ZNF385D: variants seen among roughly 807,000 people sequenced by gnomAD.
The protein encoded by ZNF385D is zinc finger protein 659.
Under a neutral mutation model 35.8 loss-of-function variants are expected in ZNF385D, and 15 were observed. The observed-to-expected ratio is 0.42, with a 90% CI of 0.28 to 0.64. ZNF385D has a LOEUF of 0.64. Among genes scored for constraint, ZNF385D ranks in the 30% least tolerant of loss-of-function variants. The probability of loss-of-function intolerance (pLI) is 0.23; values close to 1 mark genes in which losing one functional copy is unlikely to be tolerated. For synonymous variants in ZNF385D, 212 were observed against 186.8 expected (o/e 1.13, Z -1.10); for missense variants, 474 against 494.6 (o/e 0.96, Z 0.39).
upstream of ZNF385D, among the ~76,000 whole-genome samples, chr3:21,751,923 G>C (rs1055286593): frequency 1.3e-5 from 2 of 151,800 alleles, no homozygotes; most frequent in African/African-American, 4.8e-5. Flanking sequence ...GAAACGGAGA[G>C]ACGATTAGCC....
intron 3 of ZNF385D, among the ~76,000 whole-genome samples, chr3:21,884,816 T>G (rs1036056565): frequency 6.6e-6 from 1 of 152,078 alleles, no homozygotes; most frequent in Admixed American, 6.6e-5. Context: ...CGGTGGAAAT[T>G]GGCAAACATT....
rs114268102 is a variant in ZNF385D at position 22,261,129 on chromosome 3, A to G, written c.107-92094T>C. On this transcript the variant is annotated intron_variant, in intron 2 of 5. Transcript: ENST00000494108. The stretch of plus-strand genomic sequence containing the variant: ...CATCCATCCATCCATCCATCCATCT[A>G]CACCGACCTACCTTTCTACTCATCT... Among the ~76,000 whole-genome samples the G allele has an allele frequency of 7.6e-3, 1,148 of 150,948 alleles. 12 individuals are homozygous for G. The highest frequency in any genetic ancestry group is 0.026 in the African/African-American group (1,084 of 41,126).
chr3:21,694,894 T>C (rs1227777589), intron 1 of ZNF385D, among the ~76,000 whole-genome samples: 1 of 151,600 alleles, frequency 6.6e-6, no homozygotes, highest in African/African-American at 2.4e-5. Flanking sequence ...TGAAAGGAGA[T>C]GTAAGGGAAG....
chr3:21,637,921 C>A (rs187617108), intron 2 of ZNF385D, among the ~76,000 whole-genome samples: 129 of 152,190 alleles, frequency 8.5e-4, no homozygotes, highest in Admixed American at 2.1e-3. Flanking sequence ...TGGGTTTAAG[C>A]TGAATCTAAA....
intron 3 of ZNF385D, among the ~76,000 whole-genome samples, chr3:21,904,400 A>G (rs188017062): frequency 6.6e-6 from 1 of 152,228 alleles, no homozygotes; most frequent in East Asian, 1.9e-4. Context: ...TCAACAAAAT[A>G]AAGTGTGGCA....
intron 2 of ZNF385D, among the ~76,000 whole-genome samples, chr3:22,368,396 T>C (rs990671839): frequency 7.2e-5 from 11 of 152,246 alleles, no homozygotes; most frequent in Non-Finnish European, 1.6e-4. Context: ...GATTCATCTC[T>C]GCCCCTGGGT....
chr3:22,302,055 ACTATG>A (rs1702931175), intron 2 of ZNF385D, among the ~76,000 whole-genome samples: 2 of 151,896 alleles, frequency 1.3e-5, no homozygotes, highest in Non-Finnish European at 2.9e-5. Flanking sequence ...TACTTTGCAA[ACTATG>A]CTCTTATGAA....
At chr3:22,057,326 T>A (rs1182103760) in intron 3 of ZNF385D, among the ~76,000 whole-genome samples, 1 of 152,174 alleles carries the variant, frequency 6.6e-6, no homozygotes, top group African/African-American at 2.4e-5. Flanking sequence ...TTAAAGTGAC[T>A]AGCACTGTTC....
intron 3 of ZNF385D, among the ~76,000 whole-genome samples, chr3:22,139,004 A>G (rs1277589317): frequency 2.6e-5 from 4 of 152,120 alleles, no homozygotes; most frequent in South Asian, 2.1e-4. Context: ...AAAAGTGGGC[A>G]AAGGATATGA....
At chr3:21,769,726 G>GAA (rs200080201) in intron 3 of ZNF385D, among the ~76,000 whole-genome samples, 1 of 117,166 alleles carries the variant, frequency 8.5e-6, no homozygotes, top group Non-Finnish European at 1.8e-5. Flanking sequence ...CACAGAATTG[G>GAA]AAAAAACTAC....
At chr3:22,010,770 TTC>T (rs370883415) in intron 3 of ZNF385D, among the ~76,000 whole-genome samples, 347 of 152,300 alleles carry the variant, frequency 2.3e-3, no homozygotes, top group Non-Finnish European at 3.3e-3. Context: ...ATTTAACAAT[TTC>T]TGAGCTTCTG....
chr3:22,101,821 T>C (rs1172379592), intron 3 of ZNF385D, among the ~76,000 whole-genome samples: 2 of 151,958 alleles, frequency 1.3e-5, no homozygotes, highest in Non-Finnish European at 2.9e-5. Context: ...TTAGAATGAA[T>C]ACAAGGTAAT....
At chr3:22,147,160 T>C (rs1453183927) in intron 3 of ZNF385D, among the ~76,000 whole-genome samples, 1 of 152,196 alleles carries the variant, frequency 6.6e-6, no homozygotes. Context: ...GATATAGCCA[T>C]GGTGTTAGAA....
intron 2 of ZNF385D, among the ~76,000 whole-genome samples, chr3:22,335,047 G>T (rs1487030840): frequency 1.3e-5 from 2 of 152,108 alleles, no homozygotes; most frequent in East Asian, 1.9e-4. Context: ...GCACTGGAAA[G>T]ATCAGAAATA....
chr3:21,855,912 A>G (rs890961044), intron 3 of ZNF385D, among the ~76,000 whole-genome samples: 1 of 151,988 alleles, frequency 6.6e-6, no homozygotes, highest in African/African-American at 2.4e-5. Context: ...TAGAGGTGGT[A>G]GCTAATAACA....
intron 3 of ZNF385D, among the ~76,000 whole-genome samples, chr3:21,790,966 A>T (rs1326166149): frequency 6.6e-6 from 1 of 152,202 alleles, no homozygotes; most frequent in Non-Finnish European, 1.5e-5. Flanking sequence ...AGGAAACAAA[A>T]AAACAGCATA....
At chr3:21,756,671 C>G (rs548861368) in intron 3 of ZNF385D, among the ~76,000 whole-genome samples, 1 of 152,058 alleles carries the variant, frequency 6.6e-6, no homozygotes, top group Admixed American at 6.6e-5. Context: ...AGCAAAAGCA[C>G]AAGTATATGG....
At chr3:22,108,192 T>C (rs1702325035) in intron 3 of ZNF385D, among the ~76,000 whole-genome samples, 1 of 152,172 alleles carries the variant, frequency 6.6e-6, no homozygotes, top group African/African-American at 2.4e-5. Flanking sequence ...TTTGTATGTC[T>C]GCATACATAC....
intron 2 of ZNF385D, among the ~76,000 whole-genome samples, chr3:21,605,179 G>T (rs1480837994): frequency 6.6e-6 from 1 of 152,164 alleles, no homozygotes; most frequent in Non-Finnish European, 1.5e-5. Flanking sequence ...TTGGAGGGGG[G>T]CTGTGTGGGA....
Sources: allele counts gnomAD v4.1 joint callset (sites outside exome capture counted in the v4.1 genomes callset), GRCh38; gene constraint gnomAD v4.1.1; transcripts MANE v1.5; gene names NCBI Gene and HGNC (gene_info 2026-07-23, HGNC 2026-07-21).